Variants in ACSM2A observed in about 807,000 individuals in gnomAD.
ACSM2A encodes the protein acyl-CoA synthetase medium chain family member 2A.
In ACSM2A, 72 loss-of-function variants were observed where a neutral mutation model predicts 76.6. The observed-to-expected ratio is 0.94, with a 90% confidence interval of 0.78 to 1.14. The LOEUF (loss-of-function observed/expected upper bound fraction) is 1.14. Among genes scored for constraint, ACSM2A ranks in the 50% most tolerant of loss-of-function variants. The probability of loss-of-function intolerance (pLI) is 0.00; values close to 1 mark genes in which losing one functional copy is unlikely to be tolerated. For missense variants in ACSM2A, 684 were observed against 708.5 expected (o/e 0.97, Z 0.39); for synonymous variants, 249 against 255.9 (o/e 0.97, Z 0.26).
At position 20,487,156 on chromosome 16, in the gene ACSM2A, GA is replaced by G. The variant is rs1206451196; in HGVS notation, c.*479del. On this transcript the variant is annotated 3_prime_UTR_variant, in exon 14 of 14. Transcript: ENST00000573854. ...CAAGAAAGAAAGAGAGGGAGAAAGA[GA>G]GGGAGAAAGGGAGAGAAAAAAATTG... 1 of 151,372 alleles carries G rather than the reference GA, an allele frequency of 6.6e-6. No homozygotes were observed. The highest frequency in any genetic ancestry group is 1.5e-5 in the Non-Finnish European group (1 of 67,938). The allele number at this position is 151,372 out of a possible 1,614,324, so 9.4% of individuals were successfully genotyped here.
chr16:20,477,599 A>G, intron 9 of ACSM2A, 150 bp downstream of exon 9: 1 of 1,414,612 alleles, frequency 7.1e-7, no homozygotes, highest in South Asian at 1.8e-5. Flanking sequence ...GGTTGGGGGA[A>G]GGAAAGAGTG....
intron 10 of ACSM2A, among the ~76,000 whole-genome samples, chr16:20,479,533 G>A (rs1292282961): frequency 6.6e-6 from 1 of 152,142 alleles, no homozygotes; most frequent in Non-Finnish European, 1.5e-5. Context: ...TTCCTCATCT[G>A]TAAGTTGTGT....
At chr16:20,452,909 A>G (rs957273954) in intron 1 of ACSM2A, among the ~76,000 whole-genome samples, 14 of 152,060 alleles carry the variant, frequency 9.2e-5, no homozygotes, top group African/African-American at 3.4e-4. Flanking sequence ...GTGACCCTAT[A>G]CATCATACCT....
chr16:20,455,258 C>T (rs923717589), intron 1 of ACSM2A, among the ~76,000 whole-genome samples: 6 of 150,758 alleles, frequency 4.0e-5, no homozygotes, highest in Non-Finnish European at 8.9e-5. Context: ...CCCAGCCTTG[C>T]TAAAGACCTA....
chr16:20,476,070 T>C (rs2013722685), intron 8 of ACSM2A: 2 of 1,058,200 alleles, frequency 1.9e-6, no homozygotes, highest in African/African-American at 1.7e-5. Context: ...GTAGATGACA[T>C]GGGGTGAGAA....
At chr16:20,455,796 C>T (rs1304688279) in intron 1 of ACSM2A, among the ~76,000 whole-genome samples, 1 of 150,744 alleles carries the variant, frequency 6.6e-6, no homozygotes, top group East Asian at 1.9e-4. Flanking sequence ...TAGTACCTGA[C>T]ATCTCAATAC....
chr16:20,470,875 T>A (rs2013347755), intron 4 of ACSM2A, 198 bp from the exon 5 acceptor site: 1 of 792,940 alleles, frequency 1.3e-6, no homozygotes, highest in Non-Finnish European at 2.1e-6. Flanking sequence ...GATAACAAAG[T>A]GTGAAACTTC....
intron 2 of ACSM2A, among the ~76,000 whole-genome samples, chr16:20,464,954 T>C (rs924135722): frequency 9.2e-5 from 14 of 151,494 alleles, no homozygotes; most frequent in Admixed American, 2.6e-4. Flanking sequence ...GTATTTTTAC[T>C]ACAAAATTAA....
chr16:20,475,636 T>C lies in ACSM2A; in HGVS notation c.975-14T>C, dbSNP rs751200745. 6.2e-7 allele frequency: 1 copy of C among 1,613,924 alleles called. No homozygotes were observed. Among genetic ancestry groups the C allele is most frequent in the Non-Finnish European group, 8.5e-7 (1 of 1,179,862 alleles). ...CAGGGAGGCTGAGGGCAAACATTTA[T>C]TTCTCTTCTTCAGTTACAAGTTCCC... is the stretch of plus-strand genomic sequence containing the variant. On this transcript the variant is annotated splice_polypyrimidine_tract_variant and intron_variant, in intron 7 of 13. Coordinates refer to ENST00000573854, the MANE Select transcript of ACSM2A (RefSeq NM_001308172.2).
chr16:20,481,324 G>T (rs1170189921), intron 12 of ACSM2A: 1 of 200,880 alleles, frequency 5.0e-6, no homozygotes, highest in East Asian at 1.2e-4. Flanking sequence ...ATCAACCTAA[G>T]TATCCAGTGG....
chr16:20,485,829 A>G (rs981469967), intron 13 of ACSM2A, among the ~76,000 whole-genome samples: 6 of 152,238 alleles, frequency 3.9e-5, no homozygotes, highest in Non-Finnish European at 8.8e-5. Context: ...ATTCAAGACC[A>G]TCTAACACTT....
At chr16:20,479,444 C>T (rs546195580) in intron 10 of ACSM2A, among the ~76,000 whole-genome samples, 2 of 152,222 alleles carry the variant, frequency 1.3e-5, no homozygotes, top group South Asian at 2.1e-4. Flanking sequence ...TTTTTGGACT[C>T]AGTTTGCTCG....
intron 13 of ACSM2A, among the ~76,000 whole-genome samples, chr16:20,486,172 T>A (rs1484308391): frequency 6.6e-6 from 1 of 152,242 alleles, no homozygotes; most frequent in Non-Finnish European, 1.5e-5. Context: ...TTTGTCCATG[T>A]AATCACCCAA....
chr16:20,471,871 G>A (rs2013435337), intron 6 of ACSM2A, among the ~76,000 whole-genome samples, 182 bp downstream of exon 6: 1 of 152,192 alleles, frequency 6.6e-6, no homozygotes, highest in African/African-American at 2.4e-5. Context: ...TCTGGGGTAG[G>A]AGAGAGGCAC....
At chr16:20,471,431 A>G (rs1284257171) in intron 5 of ACSM2A, 105 bp from the exon 6 acceptor site, 2 of 1,504,756 alleles carry the variant, frequency 1.3e-6, no homozygotes, top group East Asian at 4.6e-5. Flanking sequence ...AGATACACAC[A>G]CACCTCTGCA....
At chr16:20,464,313 C>T (rs895248799) in intron 2 of ACSM2A, among the ~76,000 whole-genome samples, 3 of 152,170 alleles carry the variant, frequency 2.0e-5, no homozygotes, top group Non-Finnish European at 2.9e-5. Context: ...TACCAATTTT[C>T]GGTCTCAGAC....
At chr16:20,456,041 A>G (rs2012133811) in intron 1 of ACSM2A, among the ~76,000 whole-genome samples, 2 of 149,768 alleles carry the variant, frequency 1.3e-5, no homozygotes, top group Non-Finnish European at 3.0e-5. Context: ...CACAGCAGTT[A>G]GAAAAGACAA....
At chr16:20,460,709 C>A (rs546455735) in intron 2 of ACSM2A, among the ~76,000 whole-genome samples, 1 of 142,932 alleles carries the variant, frequency 7.0e-6, no homozygotes, top group East Asian at 2.3e-4. Context: ...ATTAGCCAGG[C>A]ATGGTGGCAC....
At chr16:20,460,664 G>A (rs1295371347) in intron 2 of ACSM2A, among the ~76,000 whole-genome samples, 2 of 147,202 alleles carry the variant, frequency 1.4e-5, no homozygotes, top group African/African-American at 2.6e-5. Flanking sequence ...GCAACACAGC[G>A]AGACTCTGTC....
Sources: gnomAD v4.1 joint callset for allele counts (sites outside exome capture counted in the v4.1 genomes callset) on GRCh38, gnomAD v4.1.1 for gene constraint, MANE v1.5 for transcripts, NCBI Gene and HGNC (gene_info 2026-07-23, HGNC 2026-07-21) for gene names.